The following RASA1 variants were observed in gnomAD, a reference collection of about 807,000 sequenced individuals.
RASA1 encodes RAS p21 protein activator 1.
RASA1 carries 25 observed loss-of-function variants against 132.2 expected under a neutral mutation model. The observed-to-expected ratio is 0.19, with a 90% CI of 0.14 to 0.26. The LOEUF is 0.26. Among genes scored for constraint, RASA1 ranks in the 10% least tolerant of loss-of-function variants. The pLI is 1.00. For synonymous variants in RASA1, 477 were observed against 449.9 expected (o/e 1.06, Z -0.76); for missense variants, 964 against 1,299.2 (o/e 0.74, Z 3.97).
chr5:87,385,463 TTAAG>T (rs2112513615), intron 22 of RASA1, 74 bp downstream of exon 22: 2 of 1,171,962 alleles, frequency 1.7e-6, no homozygotes, highest in South Asian at 2.6e-5. Flanking sequence ...AAATTGTGGC[TTAAG>T]TAAATTTTTA....
chr5:87,359,214 A>G (rs1389028200), intron 9 of RASA1, among the ~76,000 whole-genome samples: 1 of 152,176 alleles, frequency 6.6e-6, no homozygotes, highest in African/African-American at 2.4e-5. Flanking sequence ...AGGATCTGCA[A>G]GTTAAGTCTG....
intron 1 of RASA1, among the ~76,000 whole-genome samples, chr5:87,301,478 G>T (rs566747520): frequency 2.3e-4 from 34 of 149,812 alleles, no homozygotes; most frequent in African/African-American, 7.0e-4. Flanking sequence ...ATGTCTTTTT[G>T]TGCCTACTTT....
intron 9 of RASA1, among the ~76,000 whole-genome samples, chr5:87,359,473 G>C (rs1759909685): frequency 6.6e-6 from 1 of 152,098 alleles, no homozygotes; most frequent in East Asian, 1.9e-4. Flanking sequence ...TTGTGGGCTA[G>C]TCCCCACTTT....
chr5:87,376,696 T>G, intron 16 of RASA1, 131 bp downstream of exon 16: 2 of 1,311,588 alleles, frequency 1.5e-6, no homozygotes, highest in East Asian at 2.5e-5. Flanking sequence ...ATTTTAAACC[T>G]TGTTTTATAC....
rs536985744 is a variant in RASA1 at position 87,368,063 on chromosome 5, C to A, written c.1611-1750C>A. 4.6e-5 allele frequency among the ~76,000 whole-genome samples: 7 copies of A among 152,210 alleles called. No homozygotes were observed. The South Asian group carries it at 1.5e-3, about 32-fold the overall frequency. On this transcript the variant is annotated intron_variant, in intron 11 of 24. Transcript: ENST00000274376. The stretch of plus-strand genomic sequence containing the variant: ...GTTTTAGAAAACTCTTGGTTAGTAT[C>A]TGTTTAAATGTTTAGTATCTAATTT...
At chr5:87,350,278 A>G (rs1759166504) in intron 8 of RASA1, among the ~76,000 whole-genome samples, 1 of 151,880 alleles carries the variant, frequency 6.6e-6, no homozygotes, top group South Asian at 2.1e-4. Flanking sequence ...CCTACCTCAT[A>G]TACAGGTTGC....
At chr5:87,274,244 C>G (rs751192442) in intron 1 of RASA1, among the ~76,000 whole-genome samples, 8 of 152,146 alleles carry the variant, frequency 5.3e-5, no homozygotes, top group Non-Finnish European at 7.4e-5. Context: ...TCAGACTTCT[C>G]AAGTCTGAAA....
chr5:87,353,315 G>C, intron 9 of RASA1, 80 bp downstream of exon 9: 1 of 1,125,710 alleles, frequency 8.9e-7, no homozygotes, highest in South Asian at 1.3e-5. Flanking sequence ...GCACACATTT[G>C]TACAATTCAA....
rs1364283894 is a variant in RASA1 at position 87,287,306 on chromosome 5, CACACCATATATAT to C, written c.539+18329_539+18341del. Among the ~76,000 whole-genome samples, 13 of 146,306 alleles carry C rather than the reference CACACCATATATAT, an allele frequency of 8.9e-5. 1 individual carries two copies. Among genetic ancestry groups the C allele is most frequent in the South Asian group, 8.7e-4 (4 of 4,618 alleles). Reference sequence around the variant, plus strand: ...ACACCATATATATACACCATATATACACACCATATATATACACCATATATACACACCATATATA... The same window carrying C: ...ACACCATATATATACACCATATATACACACCATATATACACACCATATATA... On this transcript the variant is annotated intron_variant, in intron 1 of 24. Transcript: ENST00000274376.
chr5:87,314,724 AATG>A (rs879315743), intron 1 of RASA1, among the ~76,000 whole-genome samples: 2 of 152,234 alleles, frequency 1.3e-5, no homozygotes, highest in Non-Finnish European at 1.5e-5. Context: ...CTGTGGGACG[AATG>A]ATGATGGTCA....
intron 1 of RASA1, among the ~76,000 whole-genome samples, chr5:87,283,309 A>C (rs1754404997): frequency 1.3e-5 from 2 of 151,856 alleles, no homozygotes; most frequent in African/African-American, 4.8e-5. Flanking sequence ...GAAAATTAAA[A>C]ACCTTTCCAA....
chr5:87,383,799 A>C lies in RASA1; in HGVS notation c.2758+19A>C, dbSNP rs1479769938. On this transcript the variant is annotated intron_variant, in intron 21 of 24. Transcript: ENST00000274376. ...ATCTCAGGTAATCAGCTTTTGATACATTTTGAAATTCAAAATATTAGAATT... is the reference window on the plus strand; with the variant it reads ...ATCTCAGGTAATCAGCTTTTGATACCTTTTGAAATTCAAAATATTAGAATT... 6.3e-7 allele frequency: 1 copy of C among 1,587,160 alleles called. No individual in the cohort carries two copies. The highest frequency in any genetic ancestry group is 1.3e-5 in the African/African-American group (1 of 74,148).
chr5:87,324,397 G>T (rs1464243534), intron 1 of RASA1, among the ~76,000 whole-genome samples: 2 of 152,088 alleles, frequency 1.3e-5, no homozygotes, highest in Non-Finnish European at 2.9e-5. Context: ...GGGAGTTAAA[G>T]GTAGTAAAAA....
intron 1 of RASA1, among the ~76,000 whole-genome samples, chr5:87,320,919 G>A (rs969425338): frequency 3.1e-4 from 47 of 152,350 alleles, no homozygotes; most frequent in African/African-American, 1.1e-3. Flanking sequence ...TAGAAGGGAG[G>A]CTGGAGCCTT....
At position 87,323,229 on chromosome 5, in the gene RASA1, T is replaced by A. The variant is rs148580108; in HGVS notation, c.540-8119T>A. Among the ~76,000 whole-genome samples, 228 of 152,296 alleles carry A rather than the reference T, an allele frequency of 1.5e-3. 2 individuals are homozygous for A. Among genetic ancestry groups the A allele is most frequent in the African/African-American group, 5.2e-3 (216 of 41,564 alleles). On this transcript the variant is annotated intron_variant, in intron 1 of 24. Coordinates refer to ENST00000274376, the MANE Select transcript of RASA1 (RefSeq NM_002890.3). ...GTGTAATATTTCACCCTTATTTTTT[T>A]AAAAAAGTTAAATAGGAGAAACACT...
chr5:87,328,331 T>TA (rs397812192), intron 1 of RASA1, among the ~76,000 whole-genome samples: 5 of 151,938 alleles, frequency 3.3e-5, no homozygotes, highest in Non-Finnish European at 5.9e-5. Context: ...AATTTTTTTT[T>TA]AAACTTATTT....
At chr5:87,325,967 C>G (rs192053337) in intron 1 of RASA1, among the ~76,000 whole-genome samples, 1 of 152,192 alleles carries the variant, frequency 6.6e-6, no homozygotes, top group Admixed American at 6.5e-5. Flanking sequence ...CAGCAGCCCC[C>G]CACCCCCTTT....
At chr5:87,296,148 T>G (rs1755112370) in intron 1 of RASA1, among the ~76,000 whole-genome samples, 1 of 151,582 alleles carries the variant, frequency 6.6e-6, no homozygotes, top group Admixed American at 6.6e-5. Flanking sequence ...CTAACTTAAG[T>G]GTTTGCCCTG....
At chr5:87,346,143 A>T in intron 6 of RASA1, among the ~76,000 whole-genome samples, 1 of 152,098 alleles carries the variant, frequency 6.6e-6, no homozygotes, top group Non-Finnish European at 1.5e-5. Context: ...AGAGTTGAGA[A>T]CACTAAGTCC....
Sources: gnomAD v4.1 joint callset for allele counts (sites outside exome capture counted in the v4.1 genomes callset) on GRCh38, gnomAD v4.1.1 for gene constraint, MANE v1.5 for transcripts, NCBI Gene and HGNC (gene_info 2026-07-23, HGNC 2026-07-21) for gene names.